The following TUT1 variants were observed in gnomAD, a reference collection of about 807,000 sequenced individuals.
The protein encoded by TUT1 is terminal uridylyl transferase 1, U6 snRNA-specific.
Under a neutral mutation model 48.8 loss-of-function variants are expected in TUT1, and 26 were observed. That is an observed-to-expected ratio of 0.53 (90% CI 0.39 to 0.74). The LOEUF is 0.74. TUT1 is among the 30% of genes least tolerant of loss of function. The probability of loss-of-function intolerance (pLI) is 0.00; values close to 1 mark genes in which losing one functional copy is unlikely to be tolerated. For missense variants in TUT1, 1,065 were observed against 1,114.8 expected (o/e 0.96, Z 0.64); for synonymous variants, 470 against 460.8 (o/e 1.02, Z -0.26).
chr11:62,586,593 A>G (rs1941919278), intron 2 of TUT1, among the ~76,000 whole-genome samples: 1 of 152,160 alleles, frequency 6.6e-6, no homozygotes, highest in African/African-American at 2.4e-5. Flanking sequence ...AGCATGGCCA[A>G]CATGGAGAAA....
chr11:62,589,126 C>T lies in TUT1; in HGVS notation c.178G>A (p.Val60Ile), dbSNP rs776064298. 2 of 1,614,158 alleles carry T rather than the reference C, an allele frequency of 1.2e-6. No individual in the cohort carries two copies. Among genetic ancestry groups the T allele is most frequent in the African/African-American group, 2.7e-5 (2 of 74,956 alleles). Residue 60 changes from valine (V) to isoleucine (I), a missense_variant, in exon 2 of 9, where the codon GTC (valine) becomes ATC (isoleucine). Transcript: ENST00000476907. ...TCCACATCCCTGGGAAAGCCACTGA[C>T]AAACACACTTCGAAGTCCCTGGGCC... ...RKAQGLRSVF[V>I]SGFPRDVDSA...
At chr11:62,590,828 T>C (rs1048153392) in intron 1 of TUT1, among the ~76,000 whole-genome samples, 2 of 143,568 alleles carry the variant, frequency 1.4e-5, no homozygotes, top group Non-Finnish European at 1.6e-5. Flanking sequence ...AAAAAAAAAG[T>C]GGAATTTGAA....
rs1214653817 is a variant in TUT1 at position 62,591,295 on chromosome 11, A to C, written c.82+109T>G. 4 of 1,424,138 alleles carry C rather than the reference A, an allele frequency of 2.8e-6. No homozygotes were observed. In the Admixed American group the frequency reaches 1.1e-4, roughly 40 times the overall value. 88.2% of individuals were successfully genotyped at this position (1,424,138 alleles called of 1,614,324 possible). A position where few individuals can be genotyped will look rare whatever the true frequency, so the allele number is the denominator to read the frequency against. On this transcript the variant is annotated intron_variant, in intron 1 of 8. Coordinates refer to ENST00000476907, the MANE Select transcript of TUT1 (RefSeq NM_022830.3). ...GAGAAAAACGGAGGTGAGAGACCCT[A>C]CCAATCAACTTGACAAGAACGACTG...
chr11:62,575,962 C>T lies in TUT1; in HGVS notation c.1757G>A (p.Gly586Asp). Reference protein sequence around the residue: ...SLQYQRRSSRGRDWGLLPLLQ... With the variant: ...SLQYQRRSSRDRDWGLLPLLQ... Reference sequence around the variant, plus strand: ...AAGAGGGAGCAGCCCCCAGTCCCGACCCCGGGAGGAACGGCGCTGGTACTG... The same window carrying T: ...AAGAGGGAGCAGCCCCCAGTCCCGATCCCGGGAGGAACGGCGCTGGTACTG... Residue 586 changes from glycine to aspartate, a missense_variant, in exon 9 of 9, where the codon GGT (glycine) becomes GAT (aspartate). Physicochemically the swap from Gly to Asp is moderately conservative, Grantham distance 94. Coordinates refer to ENST00000476907, the MANE Select transcript of TUT1 (RefSeq NM_022830.3). 1 of 1,614,106 alleles carries T rather than the reference C, an allele frequency of 6.2e-7. No individual in the cohort carries two copies. The highest frequency in any genetic ancestry group is 8.5e-7 in the Non-Finnish European group (1 of 1,180,030).
intron 2 of TUT1, among the ~76,000 whole-genome samples, chr11:62,587,288 TCTC>T (rs1356211071): frequency 6.6e-6 from 1 of 151,902 alleles, no homozygotes; most frequent in Non-Finnish European, 1.5e-5. Flanking sequence ...TTCAAGCGAT[TCTC>T]CTGCCTCAGC....
At position 62,575,841 on chromosome 11, in the gene TUT1, T is replaced by C. The variant is rs769516722; in HGVS notation, c.1878A>G (p.Val626=). 6.2e-7 allele frequency: 1 copy of C among 1,614,162 alleles called. No homozygotes were observed. The highest frequency in any genetic ancestry group is 1.1e-5 in the South Asian group (1 of 91,090). Residue 626 remains valine, a synonymous_variant, in exon 9 of 9, where the codon GTA becomes GTG. Transcript: ENST00000476907. The stretch of plus-strand genomic sequence containing the variant: ...TATGGCACCCCAGTGCTTCCCTGAA[T>C]ACCTGCACCAGGGCAGCAGTGAGCT... ...FTQLTAALVQ[V]FREALGCHIE...
intron 1 of TUT1, among the ~76,000 whole-genome samples, chr11:62,590,463 C>T (rs1225861146): frequency 6.6e-6 from 1 of 152,014 alleles, no homozygotes; most frequent in African/African-American, 2.4e-5. Context: ...GGTGAAACCT[C>T]GTCTCTACTA....
Position 62,576,888 on chromosome 11 carries a change from T to G in TUT1, c.1381+19A>C, listed in dbSNP as rs1382462116. ...GAGGAAACTAACAAGATGGAGAGGG[T>G]GGAGGCTAGGCCGAGTACCTGCTTT... is the stretch of plus-strand genomic sequence containing the variant. On this transcript the variant is annotated intron_variant, in intron 7 of 8. Coordinates refer to ENST00000476907, the MANE Select transcript of TUT1 (RefSeq NM_022830.3). 2 of 1,610,686 alleles carry G rather than the reference T, an allele frequency of 1.2e-6. No individual in the cohort carries two copies. The highest frequency in any genetic ancestry group is 2.2e-5 in the East Asian group (1 of 44,854).
chr11:62,578,038 G>A (rs1460852763), intron 5 of TUT1, among the ~76,000 whole-genome samples: 1 of 138,668 alleles, frequency 7.2e-6, no homozygotes, highest in Non-Finnish European at 1.5e-5. Flanking sequence ...TCCAGCCTGG[G>A]CAACAAGAGT....
chr11:62,575,469 A>G lies in TUT1; in HGVS notation c.2250T>C (p.Ser750=), dbSNP rs747284522. 1.2e-6 allele frequency: 2 copies of G among 1,611,986 alleles called. No individual in the cohort carries two copies. The highest frequency in any genetic ancestry group is 2.2e-5 in the East Asian group (1 of 44,872). Reference sequence around the variant, plus strand: ...ATGCCCCCTTCCCTGCCTCACCCTGAGACCATTCTTGGGCTGCCTCATGTC... The same window carrying G: ...ATGCCCCCTTCCCTGCCTCACCCTGGGACCATTCTTGGGCTGCCTCATGTC... ...PKGHEAAQEW[S]QGEAGKGASL... is the part of the protein sequence containing the mutation. The change falls in exon 9 of 9, where the codon TCT becomes TCC. Residue 750 remains serine (S), a synonymous_variant. Coordinates refer to ENST00000476907, the MANE Select transcript of TUT1 (RefSeq NM_022830.3).
chr11:62,586,330 A>ACT (rs1941914360), intron 2 of TUT1, among the ~76,000 whole-genome samples: 1 of 152,266 alleles, frequency 6.6e-6, no homozygotes, highest in Non-Finnish European at 1.5e-5. Flanking sequence ...AAAGAGGTTA[A>ACT]GTAACTTGTA....
chr11:62,576,076 C>T lies in TUT1; in HGVS notation c.1643G>A (p.Ser548Asn), dbSNP rs375466974. ...PLNLQDPFDL[S>N]HNVAANVTSR... is the part of the protein sequence containing the mutation. ...GGTCACATTGGCTGCGACATTGTGA[C>T]TCAGGTCAAAAGGGTCCTGGAGATT... is the stretch of plus-strand genomic sequence containing the variant. The change falls in exon 9 of 9, where the codon AGT becomes AAT. Residue 548 changes from serine (S) to asparagine (N), a missense_variant. Ser to Asn is a conservative substitution (Grantham distance 46, BLOSUM62 1). Coordinates refer to ENST00000476907, the MANE Select transcript of TUT1 (RefSeq NM_022830.3). The T allele has an allele frequency of 1.2e-6, 2 of 1,613,904 alleles. No homozygotes were observed. The highest frequency in any genetic ancestry group is 1.7e-6 in the Non-Finnish European group (2 of 1,180,024).
intron 2 of TUT1, among the ~76,000 whole-genome samples, chr11:62,586,651 C>G (rs141704614): frequency 0.022 from 3,305 of 152,048 alleles, 73 homozygotes; most frequent in African/African-American, 0.054. Context: ...CACAGTAGTT[C>G]ACACCTGTAA....
In TUT1 at chr11:62,589,045, T is replaced by C; in HGVS notation, c.259A>G (p.Met87Val). The C allele has an allele frequency of 2.5e-6, 4 of 1,613,860 alleles. No homozygotes were observed. Among genetic ancestry groups the C allele is most frequent in the Non-Finnish European group, 3.4e-6 (4 of 1,179,842 alleles). ...LAFGPVASVV[M>V]DKDKGVFAIV... ...ATTCACTTTACCTTGTCCTTGTCCA[T>C]GACAACACTGGCCACAGGTCCAAAT... Residue 87 changes from methionine to valine, a missense_variant, in exon 2 of 9, where the codon ATG becomes GTG. By Grantham distance (21) the Met-to-Val change is conservative (BLOSUM62 1). Transcript: ENST00000476907.
At chr11:62,590,473 A>G (rs1165693329) in intron 1 of TUT1, among the ~76,000 whole-genome samples, 13 of 151,960 alleles carry the variant, frequency 8.6e-5, no homozygotes, top group Non-Finnish European at 1.3e-4. Context: ...CGTCTCTACT[A>G]AAAAATACAA....
In TUT1 at chr11:62,576,938, C is replaced by T. The variant is rs751781464; in HGVS notation, c.1350G>A (p.Leu450=). Residue 450 remains leucine, a synonymous_variant, in exon 7 of 9, where the codon TTG becomes TTA. Transcript: ENST00000476907. ...TCTGGGTGAGCTGGGACACAGTGGG[C>T]AACACAGGAGGGTCCCTGGTCTGAA... ...YFLQTRDPPV[L]PTVSQLTQKA... The T allele has an allele frequency of 1.2e-6, 2 of 1,614,032 alleles. No individual in the cohort carries two copies. The highest frequency in any genetic ancestry group is 1.7e-6 in the Non-Finnish European group (2 of 1,180,002).
chr11:62,578,531 G>A (rs748143928), intron 5 of TUT1, 30 bp downstream of exon 5: 1 of 1,550,182 alleles, frequency 6.5e-7, no homozygotes, highest in Admixed American at 1.9e-5. Context: ...GGCAACGAGT[G>A]AAATGTCGTC....
Position 62,581,592 on chromosome 11 carries a change from T to A in TUT1, c.383A>T (p.Gln128Leu). 6.2e-7 allele frequency: 1 copy of A among 1,606,362 alleles called. No individual in the cohort carries two copies. Among genetic ancestry groups the A allele is most frequent in the South Asian group, 1.1e-5 (1 of 90,376 alleles). The change falls in exon 3 of 9, where the codon CAG (glutamine) becomes CTG (leucine). Residue 128 changes from glutamine (Q) to leucine (L), a missense_variant. Transcript: ENST00000476907. The part of the protein sequence containing the change: ...GHRLRVRPRE[Q>L]KEFQSPASKS... ...GGAGGCCGGGCTCTGGAACTCCTTCTGCTCCCGTGGGCGGACACGCAGGCG... is the reference window on the plus strand; with the variant it reads ...GGAGGCCGGGCTCTGGAACTCCTTCAGCTCCCGTGGGCGGACACGCAGGCG...
At chr11:62,576,388 C>T in intron 8 of TUT1, 144 bp from the exon 9 acceptor site, 1 of 1,095,266 alleles carries the variant, frequency 9.1e-7, no homozygotes. Flanking sequence ...CTTCTCTGAT[C>T]CCTATAAACA....
Sources: gnomAD v4.1 joint callset for allele counts (sites outside exome capture counted in the v4.1 genomes callset) on GRCh38, gnomAD v4.1.1 for gene constraint, MANE v1.5 for transcripts, NCBI Gene and HGNC (gene_info 2026-07-23, HGNC 2026-07-21) for gene names.